The following ZNF383 variants were observed in gnomAD, a reference collection of about 807,000 sequenced individuals.
ZNF383 encodes the protein zinc finger protein 383.
A neutral mutation model predicts 44.2 loss-of-function variants in ZNF383; 32 were observed. The ratio of observed to expected loss-of-function variants is 0.72; its 90% CI spans 0.55 to 0.97. The LOEUF (loss-of-function observed/expected upper bound fraction) is 0.97. ZNF383 is among the 50% of genes least tolerant of loss of function. The pLI is 0.00. For synonymous variants in ZNF383, 155 were observed against 186.2 expected (o/e 0.83, Z 1.36); for missense variants, 487 against 562.5 (o/e 0.87, Z 1.36).
At chr19:37,227,633 A>G (rs1973245706) in intron 2 of ZNF383, 1 of 152,694 alleles carries the variant, frequency 6.5e-6, no homozygotes, top group Non-Finnish European at 1.5e-5. Context: ...AGGGACCACT[A>G]TCACCAAGAC....
In ZNF383 at chr19:37,240,808, C is replaced by CT. The variant is rs376002214; in HGVS notation, c.233-1652dup. ...GTGAATAACCCGCTGTTACCAATTC[C>CT]TTTTTTTTTGTTGTTTTGAGATGGA... On this transcript the variant is annotated intron_variant, in intron 5 of 5. Transcript: ENST00000684119. 4.1e-3 allele frequency among the ~76,000 whole-genome samples: 614 copies of CT among 151,480 alleles called. 3 individuals are homozygous for CT. Among genetic ancestry groups the CT allele is most frequent in the Middle Eastern group, 0.017 (5 of 294 alleles).
At chr19:37,226,611 T>A (rs1222065033) in intron 2 of ZNF383, 1 of 152,198 alleles carries the variant, frequency 6.6e-6, no homozygotes, top group African/African-American at 2.4e-5. Context: ...CACTTAGCAA[T>A]GTGCATTTAA....
Position 37,243,489 on chromosome 19 carries a change from A to G in ZNF383, c.1253A>G (p.Asp418Gly), listed in dbSNP as rs758377898. The G allele has an allele frequency of 3.1e-6, 5 of 1,613,886 alleles. No individual in the cohort carries two copies. Among genetic ancestry groups the G allele is most frequent in the Non-Finnish European group, 4.2e-6 (5 of 1,179,940 alleles). The change falls in exon 6 of 6, where the codon GAT (aspartate) becomes GGT (glycine). Residue 418 changes from aspartate (D) to glycine (G), a missense_variant. Coordinates refer to ENST00000684119, the MANE Select transcript of ZNF383 (RefSeq NM_001387601.1). Reference sequence around the variant, plus strand: ...TTCCAGCATCAGAGAATTCATACAGATGAAAAACCATATGAATGTAATGAA... The same window carrying G: ...TTCCAGCATCAGAGAATTCATACAGGTGAAAAACCATATGAATGTAATGAA... ...QLFQHQRIHT[D>G]EKPYECNECG...
chr19:37,243,381 G>A lies in ZNF383; in HGVS notation c.1145G>A (p.Arg382His), dbSNP rs185810202. The A allele has an allele frequency of 1.4e-5, 23 of 1,613,492 alleles. No individual in the cohort carries two copies. The Admixed American group carries it at 1.5e-4, about 11-fold the overall frequency. ...GCTTTTACTCAGAGCTCACAGCTTC[G>A]TCAACATCAGAGAATTCACGCTGGT... ...GKAFTQSSQLRQHQRIHAGEK... is the reference protein window; with the variant it reads ...GKAFTQSSQLHQHQRIHAGEK... Residue 382 changes from arginine to histidine, a missense_variant, in exon 6 of 6, where the codon CGT (arginine) becomes CAT (histidine). Coordinates refer to ENST00000684119, the MANE Select transcript of ZNF383 (RefSeq NM_001387601.1).
Position 37,242,469 on chromosome 19 carries a change from A to T in ZNF383, c.233A>T (p.Asp78Val), listed in dbSNP as rs1161384980. 6 of 1,549,108 alleles carry T rather than the reference A, an allele frequency of 3.9e-6. No homozygotes were observed. The stretch of plus-strand genomic sequence containing the variant: ...CATTTACCATTTTATTTTCTTTCAG[A>T]TCTGGAATCGATGTGTGAAACCAAG... ...GRELTRGLCS[D>V]LESMCETKLL... The change falls in exon 6 of 6, where the codon GAT becomes GTT. Residue 78 changes from aspartate to valine, a missense_variant and splice_region_variant. Coordinates refer to ENST00000684119, the MANE Select transcript of ZNF383 (RefSeq NM_001387601.1).
chr19:37,232,269 T>G (rs536558289), intron 3 of ZNF383, among the ~76,000 whole-genome samples: 1 of 152,132 alleles, frequency 6.6e-6, no homozygotes, highest in South Asian at 2.1e-4. Flanking sequence ...GAGACTGGGT[T>G]TCATCATGTT....
intron 3 of ZNF383, among the ~76,000 whole-genome samples, chr19:37,232,505 C>T (rs1432490713): frequency 6.6e-6 from 1 of 152,062 alleles, no homozygotes; most frequent in Non-Finnish European, 1.5e-5. Flanking sequence ...AAAATAAGGT[C>T]ATGATGCATA....
rs865861140 is a variant in ZNF383 at position 37,232,082 on chromosome 19, T to G, written c.9+1620T>G. Among the ~76,000 whole-genome samples, 62 of 142,100 alleles carry G rather than the reference T, an allele frequency of 4.4e-4. No individual in the cohort carries two copies. In the Middle Eastern group the frequency reaches 0.011, roughly 25 times the overall value. 93.2% of individuals were successfully genotyped at this position (142,100 alleles called of 152,430 possible). On this transcript the variant is annotated intron_variant, in intron 3 of 5. Transcript: ENST00000684119. ...TTTTTTCCTCAAAAAGGTTTTTTTG[T>G]TTTTTTTTTTTGAGACGGAGTCTCA...
intron 2 of ZNF383, among the ~76,000 whole-genome samples, chr19:37,229,177 A>G (rs1204801711): frequency 1.5e-5 from 2 of 135,772 alleles, no homozygotes; most frequent in African/African-American, 5.7e-5. Context: ...TTTTTGAGAC[A>G]GAGTTTTGCT....
chr19:37,230,397 G>GT lies in ZNF383; in HGVS notation c.-45-11dup, dbSNP rs2145499727. 6.2e-7 allele frequency: 1 copy of GT among 1,603,648 alleles called. No homozygotes were observed. The highest frequency in any genetic ancestry group is 2.2e-5 in the East Asian group (1 of 44,806). Reference sequence around the variant, plus strand: ...CCCAGTCATGCAACCTCAGAACACTGTCCTTTTTCAGGAGAACGGCCTCAA... The same window carrying GT: ...CCCAGTCATGCAACCTCAGAACACTGTTCCTTTTTCAGGAGAACGGCCTCAA... On this transcript the variant is annotated splice_polypyrimidine_tract_variant and intron_variant, in intron 2 of 5. Transcript: ENST00000684119.
At position 37,246,897 on chromosome 19, in the gene ZNF383, A is replaced by G. The variant is rs906052595; in HGVS notation, c.*3233A>G. ...GGAAGAGATTATAAAATTTTTTCTA[A>G]TATTTCCCCCCAAAATGCAGAAAAC... On this transcript the variant is annotated 3_prime_UTR_variant, in exon 6 of 6. Coordinates refer to ENST00000684119, the MANE Select transcript of ZNF383 (RefSeq NM_001387601.1). The G allele has an allele frequency of 6.6e-6, 1 of 152,182 alleles. No homozygotes were observed. Among genetic ancestry groups the G allele is most frequent in the Non-Finnish European group, 1.5e-5 (1 of 68,024 alleles). 9.4% of individuals were successfully genotyped at this position (152,182 alleles called of 1,614,324 possible).
At chr19:37,237,093 A>G (rs1235705719) in intron 5 of ZNF383, among the ~76,000 whole-genome samples, 1 of 151,852 alleles carries the variant, frequency 6.6e-6, no homozygotes, top group African/African-American at 2.4e-5. Flanking sequence ...TGTTTCCTTT[A>G]TGGAACGTTT....
At chr19:37,221,127 A>T (rs948554900) in intron 1 of ZNF383, among the ~76,000 whole-genome samples, 2 of 152,192 alleles carry the variant, frequency 1.3e-5, no homozygotes, top group Non-Finnish European at 2.9e-5. Context: ...AATTTCCTAG[A>T]TAATGCTGAA....
intron 3 of ZNF383, 70 bp from the exon 4 acceptor site, chr19:37,235,479 C>A (rs1014549968): frequency 6.6e-6 from 10 of 1,517,038 alleles, no homozygotes; most frequent in Non-Finnish European, 8.2e-6. Context: ...TATTACCCCA[C>A]AATACAAGCA....
chr19:37,236,095 C>G (rs1973776481), intron 5 of ZNF383, 21 bp downstream of exon 5: 1 of 1,599,874 alleles, frequency 6.3e-7, no homozygotes, highest in Non-Finnish European at 8.5e-7. Context: ...AATGACCGGA[C>G]AGGAGAAAGT....
chr19:37,229,795 T>TAC (rs1973387302), intron 2 of ZNF383, among the ~76,000 whole-genome samples: 1 of 117,734 alleles, frequency 8.5e-6, no homozygotes. Flanking sequence ...TGTATATATA[T>TAC]ATATATATTT....
intron 3 of ZNF383, among the ~76,000 whole-genome samples, chr19:37,232,255 A>G (rs1973529284): frequency 1.3e-5 from 2 of 151,838 alleles, no homozygotes; most frequent in Non-Finnish European, 2.9e-5. Context: ...TTTCGGTTTT[A>G]GTAGAGACTG....
intron 1 of ZNF383, among the ~76,000 whole-genome samples, chr19:37,223,236 T>TAC (rs1973007788): frequency 6.6e-6 from 1 of 152,230 alleles, no homozygotes; most frequent in Admixed American, 6.6e-5. Flanking sequence ...CAGTGTACCT[T>TAC]ACAACTACAT....
rs1016149226 is a variant in ZNF383, at chr19:37,227,022, T to C, written c.-46+2083T>C. Reference sequence around the variant, plus strand: ...CAGAATTTCACCATGTTGGCCAGGATGGTCTTGATCTGTTGACCTCGTGAT... The same window carrying C: ...CAGAATTTCACCATGTTGGCCAGGACGGTCTTGATCTGTTGACCTCGTGAT... On this transcript the variant is annotated intron_variant, in intron 2 of 5. Coordinates refer to ENST00000684119, the MANE Select transcript of ZNF383 (RefSeq NM_001387601.1). Among the ~76,000 whole-genome samples, 7 of 151,984 alleles carry C rather than the reference T, an allele frequency of 4.6e-5. No individual in the cohort carries two copies. The East Asian group carries it at 1.2e-3, about 25-fold the overall frequency.
Sources: gnomAD v4.1 joint callset for allele counts (sites outside exome capture counted in the v4.1 genomes callset) on GRCh38, gnomAD v4.1.1 for gene constraint, MANE v1.5 for transcripts, NCBI Gene and HGNC (gene_info 2026-07-23, HGNC 2026-07-21) for gene names.